SEL1L3: variants seen among roughly 807,000 people sequenced by gnomAD.
SEL1L3 encodes the protein protein sel-1 homolog 3.
Under a neutral mutation model 142.8 loss-of-function variants are expected in SEL1L3, and 76 were observed. The observed-to-expected ratio is 0.53, with a 90% CI of 0.44 to 0.64. The LOEUF (loss-of-function observed/expected upper bound fraction) is 0.64, where lower values mean the gene tolerates loss of function less well. Among genes scored for constraint, SEL1L3 ranks in the 30% least tolerant of loss-of-function variants. The pLI, the probability that SEL1L3 is intolerant of heterozygous loss-of-function variation, is 0.00. For missense variants in SEL1L3, 1,262 were observed against 1,381.7 expected (o/e 0.91, Z 1.37); for synonymous variants, 504 against 519.6 (o/e 0.97, Z 0.41).
At chr4:25,757,907 C>T in intron 21 of SEL1L3, 117 bp from the exon 22 acceptor site, 1 of 698,002 alleles carries the variant, frequency 1.4e-6, no homozygotes. Context: ...AATGAGCACA[C>T]TCAACTGACA....
At chr4:25,728,403 A>G in the SEL1L3 span, among the ~76,000 whole-genome samples, 1 of 152,090 alleles carries the variant, frequency 6.6e-6, no homozygotes, top group African/African-American at 2.4e-5. Context: ...CCACCTGGGC[A>G]CCATGGGCCA....
intron 10 of SEL1L3, among the ~76,000 whole-genome samples, chr4:25,804,080 A>C (rs1022553842): frequency 3.9e-5 from 6 of 152,182 alleles, no homozygotes; most frequent in Non-Finnish European, 7.3e-5. Flanking sequence ...TTGCATAATA[A>C]ATTTGGATTC....
At chr4:25,736,364 C>T in the SEL1L3 span, among the ~76,000 whole-genome samples, 2 of 151,884 alleles carry the variant, frequency 1.3e-5, no homozygotes, top group South Asian at 2.1e-4. Context: ...GGTGGGATTA[C>T]AGCGGCTCAC....
chr4:25,811,761 TTTTTTG>T (rs1186966686), intron 9 of SEL1L3, among the ~76,000 whole-genome samples: 1 of 148,504 alleles, frequency 6.7e-6, no homozygotes, highest in Non-Finnish European at 1.5e-5. Context: ...TTTTTTTTTT[TTTTTTG>T]TTGTTGTTGT....
chr4:25,837,347 G>T (rs915065703), intron 2 of SEL1L3, among the ~76,000 whole-genome samples: 1 of 142,674 alleles, frequency 7.0e-6, no homozygotes, highest in Non-Finnish European at 1.5e-5. Flanking sequence ...GGAAACATTT[G>T]TCAAAACAAA....
In SEL1L3 at chr4:25,855,156, A is replaced by G. The variant is rs140347373; in HGVS notation, c.163-7292T>C. ...CAAAACCAACACTGATTAGCAACACATCACACTCTAAATATTGATTAAGCT... is the reference window on the plus strand; with the variant it reads ...CAAAACCAACACTGATTAGCAACACGTCACACTCTAAATATTGATTAAGCT... On this transcript the variant is annotated intron_variant, in intron 1 of 23. Coordinates refer to ENST00000399878, the MANE Select transcript of SEL1L3 (RefSeq NM_015187.5). Among the ~76,000 whole-genome samples, 3 of 152,382 alleles carry G rather than the reference A, an allele frequency of 2.0e-5. No individual in the cohort carries two copies. In the East Asian group the frequency reaches 5.8e-4, roughly 29 times the overall value.
chr4:25,735,651 C>G, the SEL1L3 span, among the ~76,000 whole-genome samples: 1 of 151,514 alleles, frequency 6.6e-6, no homozygotes, highest in South Asian at 2.1e-4. Context: ...AAACATTTAA[C>G]GTTATAAAAT....
intron 23 of SEL1L3, chr4:25,756,269 T>C (rs1717951308): frequency 1.0e-6 from 1 of 985,382 alleles, no homozygotes; most frequent in Non-Finnish European, 1.2e-6. Flanking sequence ...TTTTCTTGTC[T>C]CTTGAGAGAC....
At chr4:25,799,614 G>C (rs1035556867) in intron 11 of SEL1L3, among the ~76,000 whole-genome samples, 15 of 152,152 alleles carry the variant, frequency 9.9e-5, no homozygotes, top group African/African-American at 3.6e-4. Context: ...AGGGGTGCAC[G>C]TGGGGAGGAG....
chr4:25,844,102 A>G (rs1716351575), intron 2 of SEL1L3, among the ~76,000 whole-genome samples: 1 of 152,254 alleles, frequency 6.6e-6, no homozygotes, highest in Non-Finnish European at 1.5e-5. Flanking sequence ...TGGCTGAGAC[A>G]GGGACCATAC....
At chr4:25,738,506 C>A in the SEL1L3 span, among the ~76,000 whole-genome samples, 1 of 152,198 alleles carries the variant, frequency 6.6e-6, no homozygotes, top group African/African-American at 2.4e-5. Flanking sequence ...AAGGCTTCTT[C>A]ACTCTATCTA....
chr4:25,764,044 T>C (rs1718559078), intron 20 of SEL1L3, among the ~76,000 whole-genome samples: 1 of 152,166 alleles, frequency 6.6e-6, no homozygotes, highest in Admixed American at 6.5e-5. Context: ...GTAGAAGGAA[T>C]AAGGGAAATT....
chr4:25,806,017 G>C (rs1440880224), intron 9 of SEL1L3, among the ~76,000 whole-genome samples: 5 of 150,914 alleles, frequency 3.3e-5, no homozygotes, highest in Admixed American at 2.0e-4. Flanking sequence ...AAATGTTGTG[G>C]GTTTTTTTTG....
intron 6 of SEL1L3, among the ~76,000 whole-genome samples, chr4:25,824,699 T>A (rs1200154061): frequency 3.9e-5 from 6 of 152,062 alleles, no homozygotes; most frequent in Admixed American, 6.6e-5. Context: ...AAGGCCGAGG[T>A]GGGGGGATCA....
At chr4:25,796,316 G>A (rs1712744087) in intron 11 of SEL1L3, among the ~76,000 whole-genome samples, 1 of 152,124 alleles carries the variant, frequency 6.6e-6, no homozygotes, top group African/African-American at 2.4e-5. Context: ...GCTGAAGGCT[G>A]GGGCGCAGTG....
intron 9 of SEL1L3, among the ~76,000 whole-genome samples, chr4:25,811,756 T>G (rs912307663): frequency 1.1e-4 from 17 of 149,178 alleles, no homozygotes; most frequent in African/African-American, 3.8e-4. Context: ...CTGTTTTTTT[T>G]TTTTTTTTTT....
chr4:25,832,924 G>T, intron 5 of SEL1L3, 71 bp downstream of exon 5: 1 of 935,298 alleles, frequency 1.1e-6, no homozygotes, highest in East Asian at 2.5e-5. Context: ...GTTGCTCCCC[G>T]GCTTTATAGC....
intron 11 of SEL1L3, among the ~76,000 whole-genome samples, chr4:25,796,210 G>A (rs1290451560): frequency 3.3e-5 from 5 of 152,120 alleles, no homozygotes; most frequent in South Asian, 2.1e-4. Flanking sequence ...ACACTGTCCC[G>A]GGGATGCTGA....
chr4:25,726,152 G>A, the SEL1L3 span, among the ~76,000 whole-genome samples: 1 of 151,704 alleles, frequency 6.6e-6, no homozygotes, highest in Non-Finnish European at 1.5e-5. Context: ...TCCTGAAGGA[G>A]AGGAAACCTG....
Sources: gnomAD v4.1 joint callset for allele counts (sites outside exome capture counted in the v4.1 genomes callset) on GRCh38, gnomAD v4.1.1 for gene constraint, MANE v1.5 for transcripts, NCBI Gene and HGNC (gene_info 2026-07-23, HGNC 2026-07-21) for gene names.